The following OVCH1 variants were observed in gnomAD, a reference collection of about 807,000 sequenced individuals.
OVCH1 encodes the protein ovochymase 1, also known as ovochymase-1.
Under a neutral mutation model 138.4 loss-of-function variants are expected in OVCH1, and 139 were observed. The observed-to-expected ratio is 1.00, with a 90% CI of 0.87 to 1.16. The LOEUF is 1.16. OVCH1 is among the 50% of genes most tolerant of loss of function. The probability of loss-of-function intolerance (pLI) is 0.00; values close to 1 mark genes in which losing one functional copy is unlikely to be tolerated. For missense variants in OVCH1, 1,367 were observed against 1,357.9 expected (o/e 1.01, Z -0.11); for synonymous variants, 453 against 467.8 (o/e 0.97, Z 0.41).
downstream of OVCH1, among the ~76,000 whole-genome samples, chr12:29,427,251 C>A (rs1941194923): frequency 6.6e-6 from 1 of 152,090 alleles, no homozygotes; most frequent in Admixed American, 6.5e-5. Flanking sequence ...TCCACTTTTT[C>A]TTTTAAAAAT....
chr12:29,441,248 C>G (rs909738610), intron 25 of OVCH1, among the ~76,000 whole-genome samples: 3 of 152,140 alleles, frequency 2.0e-5, no homozygotes, highest in African/African-American at 7.2e-5. Context: ...ACCAAAACAG[C>G]ATGGCACTGG....
intron 9 of OVCH1, 155 bp from the exon 11 acceptor site, chr12:29,477,633 A>G (rs1942788082): frequency 6.3e-7 from 1 of 1,592,940 alleles, no homozygotes; most frequent in Non-Finnish European, 8.6e-7. Context: ...TCCCTGCTTC[A>G]GTGACTTTGC....
chr12:29,474,111 A>ACACACACACACAT, intron 14 of OVCH1, among the ~76,000 whole-genome samples: 1 of 139,908 alleles, frequency 7.1e-6, no homozygotes, highest in Non-Finnish European at 1.7e-5. Flanking sequence ...ACACATATAT[A>ACACACACACACAT]TATCTGTCCC....
At chr12:29,430,908 A>G (rs1448564152) in intron 27 of OVCH1, 1 of 518,722 alleles carries the variant, frequency 1.9e-6, no homozygotes, top group East Asian at 5.5e-5. Flanking sequence ...CAGTACCTCT[A>G]GCTGCCCTCC....
chr12:29,478,179 G>A (rs983189341), intron 9 of OVCH1, among the ~76,000 whole-genome samples: 1 of 152,182 alleles, frequency 6.6e-6, no homozygotes, highest in Non-Finnish European at 1.5e-5. Context: ...TGTTTATGTA[G>A]CTTATAAGAG....
At chr12:29,496,041 C>G in intron 3 of OVCH1, 140 bp downstream of exon 3, 1 of 685,186 alleles carries the variant, frequency 1.5e-6, no homozygotes, top group African/African-American at 1.8e-5. Flanking sequence ...TTCTGGGAAT[C>G]AGGAAGATCA....
chr12:29,468,259 CCTT>C, intron 16 of OVCH1, among the ~76,000 whole-genome samples: 1 of 152,226 alleles, frequency 6.6e-6, no homozygotes, highest in South Asian at 2.1e-4. Context: ...TGCTTGATAA[CCTT>C]CTCTAACTGC....
chr12:29,405,229 G>C, the OVCH1 span, among the ~76,000 whole-genome samples: 2 of 151,800 alleles, frequency 1.3e-5, no homozygotes, highest in Admixed American at 6.6e-5. Context: ...TATTCTTCTT[G>C]CCTTTCTTTT....
chr12:29,422,643 A>C (rs976473043), downstream of OVCH1, among the ~76,000 whole-genome samples: 4 of 152,218 alleles, frequency 2.6e-5, no homozygotes, highest in African/African-American at 9.6e-5. Flanking sequence ...TTAAATCTTA[A>C]GCACAACTGA....
At chr12:29,412,304 C>T (rs1184282639), downstream of OVCH1, among the ~76,000 whole-genome samples, 1 of 152,082 alleles carries the variant, frequency 6.6e-6, no homozygotes, top group Admixed American at 6.5e-5. Flanking sequence ...GCACGGTGAG[C>T]TGCGCACGGT....
At chr12:29,423,317 T>G (rs982417996), downstream of OVCH1, 10 of 454,722 alleles carry the variant, frequency 2.2e-5, no homozygotes, top group Non-Finnish European at 4.4e-5. Context: ...AAAGACATAT[T>G]CGATAATTAA....
intron 26 of OVCH1, among the ~76,000 whole-genome samples, chr12:29,434,726 C>A (rs908833850): frequency 2.0e-5 from 3 of 149,426 alleles, no homozygotes; most frequent in South Asian, 4.2e-4. Flanking sequence ...CAAAAAAAAA[C>A]CTTACTATTC....
At chr12:29,439,580 C>A in intron 25 of OVCH1, 1 of 1,071,118 alleles carries the variant, frequency 9.3e-7, no homozygotes, top group Non-Finnish European at 1.2e-6. Flanking sequence ...CCTCTCACAC[C>A]AGATGTATGG....
At chr12:29,436,901 A>G (rs1244349391) in intron 26 of OVCH1, among the ~76,000 whole-genome samples, 1 of 152,188 alleles carries the variant, frequency 6.6e-6, no homozygotes, top group Non-Finnish European at 1.5e-5. Flanking sequence ...CAAAGCTTCC[A>G]CAGCATGGAA....
intron 7 of OVCH1, 153 bp downstream of exon 7, chr12:29,487,540 C>G (rs1460733175): frequency 4.5e-6 from 3 of 670,228 alleles, no homozygotes; most frequent in Non-Finnish European, 7.0e-6. Flanking sequence ...TTTCTGTACT[C>G]AGGGTTTCAG....
chr12:29,404,235 G>A, the OVCH1 span, among the ~76,000 whole-genome samples: 47,036 of 152,106 alleles, frequency 0.31, 8,592 homozygotes, highest in Middle Eastern at 0.52. Context: ...TCTTGTGAAG[G>A]TGGTGCAGTG....
intron 18 of OVCH1, among the ~76,000 whole-genome samples, chr12:29,463,700 G>C (rs1942216967): frequency 6.6e-6 from 1 of 152,112 alleles, no homozygotes. Context: ...TTGTAAAATG[G>C]GGATGATAAA....
intron 26 of OVCH1, among the ~76,000 whole-genome samples, chr12:29,438,187 TA>T (rs528559043): frequency 3.9e-4 from 60 of 152,168 alleles, no homozygotes; most frequent in Non-Finnish European, 7.4e-4. Flanking sequence ...CTTTATCAGC[TA>T]CTGTATGATG....
chr12:29,436,594 C>A (rs1269789272), intron 26 of OVCH1, among the ~76,000 whole-genome samples: 1 of 152,176 alleles, frequency 6.6e-6, no homozygotes, highest in African/African-American at 2.4e-5. Context: ...GCGAGTGTTA[C>A]AGCTCTTAAA....
Sources: gnomAD v4.1 joint callset for allele counts (sites outside exome capture counted in the v4.1 genomes callset) on GRCh38, gnomAD v4.1.1 for gene constraint, MANE v1.5 for transcripts, NCBI Gene and HGNC (gene_info 2026-07-23, HGNC 2026-07-21) for gene names.